The following IFITM5 variants were observed in gnomAD, a reference collection of about 807,000 sequenced individuals.
IFITM5 encodes interferon induced transmembrane protein 5, also known as interferon-induced transmembrane protein 5.
In IFITM5, 10 loss-of-function variants were observed where a neutral mutation model predicts 9.2. That is an observed-to-expected ratio of 1.09 (90% CI 0.67 to 1.85). IFITM5 has a LOEUF of 1.85. Ranked by LOEUF, IFITM5 falls within the 40% of genes most tolerant of loss-of-function variation. The pLI, the probability that IFITM5 is intolerant of heterozygous loss-of-function variation, is 0.00. For missense variants in IFITM5, 225 were observed against 182.6 expected, an observed-to-expected ratio of 1.23 and a Z score of -1.34; for synonymous variants, 93 against 86.6, an observed-to-expected ratio of 1.07 and a Z score of -0.41.
At position 299,349 on chromosome 11, in the gene IFITM5, T is replaced by G. The variant is rs1295997813; in HGVS notation, c.142A>C (p.Asn48His). 1.2e-6 allele frequency: 2 copies of G among 1,602,430 alleles called. No individual in the cohort carries two copies. Among genetic ancestry groups the G allele is most frequent in the Non-Finnish European group, 1.7e-6 (2 of 1,174,806 alleles). The change falls in exon 1 of 2, where the codon AAT (asparagine) becomes CAT (histidine). Residue 48 changes from asparagine to histidine, a missense_variant. Transcript: ENST00000382614. ...GCCAGGAAGCCGAGGCAACACAGATTCAGGTAGAGGGTGCTGAACACCGAC... is the reference window on the plus strand; with the variant it reads ...GCCAGGAAGCCGAGGCAACACAGATGCAGGTAGAGGGTGCTGAACACCGAC... ...IWSVFSTLYL[N>H]LCCLGFLALA... is the part of the protein sequence containing the mutation.
chr11:299,424 C>CTG lies in IFITM5; in HGVS notation c.65_66dup (p.Ala23GlnfsTer16), dbSNP rs1323254942. On this transcript the variant is annotated frameshift_variant, in exon 1 of 2. Coordinates refer to ENST00000382614, the MANE Select transcript of IFITM5 (RefSeq NM_001025295.3). LOFTEE classifies it high-confidence loss of function. The stretch of plus-strand genomic sequence containing the variant: ...GGGTGCGGGGCCCCCAGTGTGAGGG[C>CTG]TGTGTGGGCACCGGCCTTGCTGGGC... The CTG allele has an allele frequency of 1.3e-6, 2 of 1,549,452 alleles. No individual in the cohort carries two copies. The highest frequency in any genetic ancestry group is 1.7e-6 in the Non-Finnish European group (2 of 1,148,966).
chr11:298,685 A>G lies in IFITM5; in HGVS notation c.215T>C (p.Leu72Pro), dbSNP rs1479639726. 1 of 1,613,618 alleles carries G rather than the reference A, an allele frequency of 6.2e-7. No individual in the cohort carries two copies. Among genetic ancestry groups the G allele is most frequent in the African/African-American group, 1.3e-5 (1 of 75,050 alleles). ...KARDQKVVGD[L>P]EAARRFGSKA... is the part of the protein sequence containing the mutation. ...GGAGCCAAAACGCCGGGCCGCTTCCAGGTCACCAACCACCTTCTGATCTCG... is the reference window on the plus strand; with the variant it reads ...GGAGCCAAAACGCCGGGCCGCTTCCGGGTCACCAACCACCTTCTGATCTCG... Residue 72 changes from leucine to proline, a missense_variant, in exon 2 of 2, where the codon CTG becomes CCG. Transcript: ENST00000382614.
Position 298,264 on chromosome 11 carries a change from G to A in IFITM5, c.*237C>T. On this transcript the variant is annotated 3_prime_UTR_variant, in exon 2 of 2. Transcript: ENST00000382614. ...CCTGGAGTGTGAGGAGGGAGGGGCA[G>A]GATCGGGGGCAGAGTTAGGGCCCGG... 1.8e-6 allele frequency: 1 copy of A among 568,474 alleles called. No homozygotes were observed. Among genetic ancestry groups the A allele is most frequent in the South Asian group, 2.1e-5 (1 of 47,742 alleles). The allele number at this position is 568,474 out of a possible 1,614,324, so 35.2% of individuals were successfully genotyped here.
intron 1 of IFITM5, 50 bp from the exon 2 acceptor site, chr11:298,763 C>G: frequency 1.3e-6 from 2 of 1,545,202 alleles, no homozygotes; most frequent in Non-Finnish European, 1.8e-6. Flanking sequence ...TCCTCGGGGC[C>G]TGGGGGCCCT....
Position 299,448 on chromosome 11 carries a change from G to A in IFITM5, c.43C>T (p.Pro15Ser), listed in dbSNP as rs1206319022. The A allele has an allele frequency of 3.9e-6, 6 of 1,528,782 alleles. No homozygotes were observed. The highest frequency in any genetic ancestry group is 1.2e-5 in the South Asian group (1 of 80,374). 94.7% of individuals were successfully genotyped at this position (1,528,782 alleles called of 1,614,324 possible). Residue 15 changes from proline to serine, a missense_variant, in exon 1 of 2, where the codon CCC (proline) becomes TCC (serine). Transcript: ENST00000382614. ...YPREDTRAPT[P>S]SKAGAHTALT... Reference sequence around the variant, plus strand: ...GCTGTGTGGGCACCGGCCTTGCTGGGCGTGGGGGCCCGGGTGTCCTCGCGG... The same window carrying A: ...GCTGTGTGGGCACCGGCCTTGCTGGACGTGGGGGCCCGGGTGTCCTCGCGG...
Position 298,271 on chromosome 11 carries a change from G to C in IFITM5, c.*230C>G. The stretch of plus-strand genomic sequence containing the variant: ...TGTGAGGAGGGAGGGGCAGGATCGG[G>C]GGCAGAGTTAGGGCCCGGGAACTCT... On this transcript the variant is annotated 3_prime_UTR_variant, in exon 2 of 2. Transcript: ENST00000382614. 1 of 576,486 alleles carries C rather than the reference G, an allele frequency of 1.7e-6. No individual in the cohort carries two copies. Among genetic ancestry groups the C allele is most frequent in the South Asian group, 2.1e-5 (1 of 48,318 alleles). 35.7% of individuals were successfully genotyped at this position (576,486 alleles called of 1,614,324 possible). A position where few individuals can be genotyped will look rare whatever the true frequency, so the allele number is the denominator to read the frequency against.
intron 1 of IFITM5, among the ~76,000 whole-genome samples, 188 bp downstream of exon 1, chr11:299,117 C>T (rs1381530571): frequency 6.6e-6 from 1 of 151,412 alleles, no homozygotes; most frequent in African/African-American, 2.4e-5. Context: ...CCGGCCTTGC[C>T]TTCGTGAGGA....
rs1564845784 is a variant in IFITM5, at chr11:299,347, A to G, written c.144T>C (p.Asn48=). 16 of 1,602,730 alleles carry G rather than the reference A, an allele frequency of 1.0e-5. No individual in the cohort carries two copies. The highest frequency in any genetic ancestry group is 1.7e-5 in the Admixed American group (1 of 58,982). ...GCGCCAGGAAGCCGAGGCAACACAG[A>G]TTCAGGTAGAGGGTGCTGAACACCG... ...IWSVFSTLYL[N]LCCLGFLALA... Residue 48 remains asparagine (N), a synonymous_variant, in exon 1 of 2, where the codon AAT becomes AAC. Coordinates refer to ENST00000382614, the MANE Select transcript of IFITM5 (RefSeq NM_001025295.3).
At chr11:299,189 C>G in intron 1 of IFITM5, 116 bp downstream of exon 1, 1 of 840,684 alleles carries the variant, frequency 1.2e-6, no homozygotes. Flanking sequence ...AGCAGAGCCC[C>G]CCGCGGCCCC....
rs563719298 is a variant in IFITM5, at chr11:298,570, G to C, written c.330C>G (p.His110Gln). ...LLGLVVTGALHLARLAKDSAA... is the reference protein window; with the variant it reads ...LLGLVVTGALQLARLAKDSAA... The stretch of plus-strand genomic sequence containing the variant: ...CAGAGTCCTTGGCCAGCCGGGCCAG[G>C]TGCAGGGCACCAGTCACCACCAGCC... The change falls in exon 2 of 2, where the codon CAC becomes CAG. Residue 110 changes from histidine to glutamine, a missense_variant. Physicochemically the swap from His to Gln is conservative, Grantham distance 24. Coordinates refer to ENST00000382614, the MANE Select transcript of IFITM5 (RefSeq NM_001025295.3). 7 of 1,613,432 alleles carry C rather than the reference G, an allele frequency of 4.3e-6. No homozygotes were observed. The East Asian group carries it at 8.9e-5, about 21-fold the overall frequency.
rs1442818410 is a variant in IFITM5 at position 298,487 on chromosome 11, C to G, written c.*14G>C. 10 of 1,606,724 alleles carry G rather than the reference C, an allele frequency of 6.2e-6. No homozygotes were observed. The highest frequency in any genetic ancestry group is 8.5e-6 in the Non-Finnish European group (10 of 1,178,012). On this transcript the variant is annotated 3_prime_UTR_variant, in exon 2 of 2. Transcript: ENST00000382614. Reference sequence around the variant, plus strand: ...GTGTCCTGGGGCTAGTGCCCCAGATCAGGACCCAGCCTGTCAGTCATAGTC... The same window carrying G: ...GTGTCCTGGGGCTAGTGCCCCAGATGAGGACCCAGCCTGTCAGTCATAGTC...
rs1444849360 is a variant in IFITM5, at chr11:298,706, T to C, written c.194A>G (p.Asp65Gly). 6.2e-7 allele frequency: 1 copy of C among 1,613,362 alleles called. No individual in the cohort carries two copies. The change falls in exon 2 of 2, where the codon GAT becomes GGT. Residue 65 changes from aspartate to glycine, a missense_variant. Physicochemically the swap from Asp to Gly is moderately conservative, Grantham distance 94. Coordinates refer to ENST00000382614, the MANE Select transcript of IFITM5 (RefSeq NM_001025295.3). ...TTCCAGGTCACCAACCACCTTCTGATCTCGGGCCTGCAGAGAGACCAGACC... is the reference window on the plus strand; with the variant it reads ...TTCCAGGTCACCAACCACCTTCTGACCTCGGGCCTGCAGAGAGACCAGACC... ...LALAYSIKAR[D>G]QKVVGDLEAA... is the part of the protein sequence containing the mutation.
chr11:298,419 C>T lies in IFITM5; in HGVS notation c.*82G>A, dbSNP rs556946673. On this transcript the variant is annotated 3_prime_UTR_variant, in exon 2 of 2. Transcript: ENST00000382614. The stretch of plus-strand genomic sequence containing the variant: ...GCCCCACAGAAGGAGGGCCAGGCTC[C>T]GGGGAGTCAGTATTGGGCCCCAGGG... The T allele has an allele frequency of 7.4e-5, 107 of 1,448,246 alleles. No individual in the cohort carries two copies. The highest frequency in any genetic ancestry group is 3.4e-4 in the African/African-American group (24 of 71,030). 89.7% of individuals were successfully genotyped at this position (1,448,246 alleles called of 1,614,324 possible). A position where few individuals can be genotyped will look rare whatever the true frequency, so the allele number is the denominator to read the frequency against.
Position 298,616 on chromosome 11 carries a change from A to G in IFITM5, c.284T>C (p.Val95Ala). The G allele has an allele frequency of 6.2e-7, 1 of 1,613,494 alleles. No homozygotes were observed. Among genetic ancestry groups the G allele is most frequent in the Non-Finnish European group, 8.5e-7 (1 of 1,179,988 alleles). Reference protein sequence around the residue: ...YNILAAMWTLVPPLLLLGLVV... With the variant: ...YNILAAMWTLAPPLLLLGLVV... ...CAGCCCCAGGAGCAGCAGTGGCGGC[A>G]CCAGCGTCCACATCGCGGCCAGGAT... is the stretch of plus-strand genomic sequence containing the variant. Residue 95 changes from valine (V) to alanine (A), a missense_variant, in exon 2 of 2, where the codon GTG becomes GCG. Coordinates refer to ENST00000382614, the MANE Select transcript of IFITM5 (RefSeq NM_001025295.3).
chr11:298,268 C>A lies in IFITM5; in HGVS notation c.*233G>T. 1 of 572,204 alleles carries A rather than the reference C, an allele frequency of 1.7e-6. No individual in the cohort carries two copies. The highest frequency in any genetic ancestry group is 2.1e-5 in the South Asian group (1 of 47,984). The allele number at this position is 572,204 out of a possible 1,614,324, so 35.4% of individuals were successfully genotyped here. On this transcript the variant is annotated 3_prime_UTR_variant, in exon 2 of 2. Coordinates refer to ENST00000382614, the MANE Select transcript of IFITM5 (RefSeq NM_001025295.3). ...GAGTGTGAGGAGGGAGGGGCAGGAT[C>A]GGGGGCAGAGTTAGGGCCCGGGAAC...
Position 299,418 on chromosome 11 carries a change from T to G in IFITM5, c.73A>C (p.Thr25Pro). ...GGCGGGGGGTGCGGGGCCCCCAGTG[T>G]GAGGGCTGTGTGGGCACCGGCCTTG... ...PSKAGAHTAL[T>P]LGAPHPPPRD... Residue 25 changes from threonine (T) to proline (P), a missense_variant, in exon 1 of 2, where the codon ACA becomes CCA. By Grantham distance (38) the Thr-to-Pro change is conservative (BLOSUM62 -1). Transcript: ENST00000382614. 7 of 1,554,192 alleles carry G rather than the reference T, an allele frequency of 4.5e-6. No homozygotes were observed. Among genetic ancestry groups the G allele is most frequent in the Non-Finnish European group, 6.1e-6 (7 of 1,150,952 alleles).
At chr11:298,763 C>T (rs754499637) in intron 1 of IFITM5, 50 bp from the exon 2 acceptor site, 2 of 1,545,202 alleles carry the variant, frequency 1.3e-6, no homozygotes, top group Non-Finnish European at 1.8e-6. Context: ...TCCTCGGGGC[C>T]TGGGGGCCCT....
At chr11:299,103 C>T (rs886159581) in intron 1 of IFITM5, among the ~76,000 whole-genome samples, 3 of 151,234 alleles carry the variant, frequency 2.0e-5, no homozygotes, top group Non-Finnish European at 3.0e-5. Flanking sequence ...TAAGAAGAGG[C>T]CCCCCGGCCT....
intron 1 of IFITM5, 125 bp from the exon 2 acceptor site, chr11:298,838 T>G: frequency 1.1e-6 from 1 of 923,062 alleles, no homozygotes; most frequent in Non-Finnish European, 1.6e-6. Context: ...TGGAGGGGTG[T>G]GGCCTGAGGA....
Sources: allele counts gnomAD v4.1 joint callset (sites outside exome capture counted in the v4.1 genomes callset), GRCh38; gene constraint gnomAD v4.1.1; transcripts MANE v1.5; gene names NCBI Gene and HGNC (gene_info 2026-07-23, HGNC 2026-07-21).